ZNF521: variants seen among roughly 807,000 people sequenced by gnomAD.
ZNF521 encodes the protein zinc finger protein 521.
A neutral mutation model predicts 105.5 loss-of-function variants in ZNF521; 14 were observed. The ratio of observed to expected loss-of-function variants is 0.13; its 90% CI spans 0.09 to 0.21. The LOEUF (loss-of-function observed/expected upper bound fraction) is 0.21. ZNF521 is among the 10% of genes least tolerant of loss of function. The pLI is 1.00. For missense variants in ZNF521, 1,233 were observed against 1,629.7 expected, an observed-to-expected ratio of 0.76 and a Z score of 4.19; for synonymous variants, 635 against 606.0, an observed-to-expected ratio of 1.05 and a Z score of -0.70.
chr18:25,196,462 T>G (rs139320796), intron 4 of ZNF521, among the ~76,000 whole-genome samples: 101 of 151,330 alleles, frequency 6.7e-4, no homozygotes, highest in African/African-American at 2.0e-3. Flanking sequence ...GATTTAAAAT[T>G]ATAAATGCCA....
chr18:25,316,542 G>A (rs552898988), intron 3 of ZNF521, among the ~76,000 whole-genome samples: 170 of 152,168 alleles, frequency 1.1e-3, no homozygotes, highest in African/African-American at 3.9e-3. Context: ...AACCAAGCAA[G>A]AAAGCAAAAG....
chr18:25,112,900 A>AT (rs1457646964), intron 5 of ZNF521, among the ~76,000 whole-genome samples: 1 of 151,878 alleles, frequency 6.6e-6, no homozygotes, highest in African/African-American at 2.4e-5. Flanking sequence ...TGCTATATCC[A>AT]TATGTGCTGC....
intron 3 of ZNF521, among the ~76,000 whole-genome samples, chr18:25,252,295 G>A (rs1487632933): frequency 6.6e-6 from 1 of 151,996 alleles, no homozygotes; most frequent in Non-Finnish European, 1.5e-5. Context: ...CAGTCTTTAG[G>A]GGGTTTGGGA....
intron 3 of ZNF521, among the ~76,000 whole-genome samples, chr18:25,294,281 C>T (rs1017614609): frequency 1.3e-5 from 2 of 152,058 alleles, no homozygotes; most frequent in East Asian, 1.9e-4. Context: ...TCTGCTGATC[C>T]GCTGGTCAGT....
intron 5 of ZNF521, among the ~76,000 whole-genome samples, chr18:25,185,864 G>A (rs2035712917): frequency 6.6e-6 from 1 of 152,122 alleles, no homozygotes; most frequent in South Asian, 2.1e-4. Flanking sequence ...AAATTAATCT[G>A]GATTAAAACA....
intron 3 of ZNF521, among the ~76,000 whole-genome samples, chr18:25,307,615 T>G (rs1407830637): frequency 6.6e-6 from 1 of 152,202 alleles, no homozygotes; most frequent in Non-Finnish European, 1.5e-5. Context: ...GGTCCCTACC[T>G]CCTGGTATTC....
intron 3 of ZNF521, among the ~76,000 whole-genome samples, chr18:25,249,443 C>T (rs1173649997): frequency 6.6e-6 from 1 of 151,582 alleles, no homozygotes; most frequent in African/African-American, 2.4e-5. Context: ...AGGCTTGAGC[C>T]ACCACGCCGG....
At chr18:25,344,817 A>C (rs1334080550) in intron 2 of ZNF521, among the ~76,000 whole-genome samples, 2 of 152,244 alleles carry the variant, frequency 1.3e-5, no homozygotes, top group Non-Finnish European at 2.9e-5. Flanking sequence ...GAAAAACTGA[A>C]CATAGTATCC....
intron 4 of ZNF521, among the ~76,000 whole-genome samples, chr18:25,200,437 G>T (rs547664032): frequency 6.6e-6 from 1 of 150,826 alleles, no homozygotes; most frequent in Non-Finnish European, 1.5e-5. Context: ...GTACCTTTAC[G>T]TGTATTTGTC....
At chr18:25,071,119 T>C (rs117604180) in intron 7 of ZNF521, among the ~76,000 whole-genome samples, 2,029 of 152,350 alleles carry the variant, frequency 0.013, 23 homozygotes, top group Non-Finnish European at 0.02. Flanking sequence ...TATGCTACTT[T>C]GTCTTCATTA....
intron 4 of ZNF521, among the ~76,000 whole-genome samples, chr18:25,207,736 C>T (rs2036108282): frequency 6.6e-6 from 1 of 152,148 alleles, no homozygotes; most frequent in Non-Finnish European, 1.5e-5. Flanking sequence ...ATCAAACACA[C>T]CTAGATTCTG....
intron 5 of ZNF521, among the ~76,000 whole-genome samples, chr18:25,139,578 C>T (rs1452313385): frequency 1.3e-5 from 2 of 151,968 alleles, no homozygotes; most frequent in South Asian, 2.1e-4. Context: ...GTGTTACAGC[C>T]CTTTTCAGGT....
chr18:25,184,657 C>T (rs897446641), intron 5 of ZNF521, among the ~76,000 whole-genome samples: 4 of 152,084 alleles, frequency 2.6e-5, no homozygotes, highest in Admixed American at 6.6e-5. Flanking sequence ...GTGGGACTGG[C>T]GTCACCGGCC....
At chr18:25,094,762 C>G (rs2033818443) in intron 5 of ZNF521, among the ~76,000 whole-genome samples, 1 of 152,112 alleles carries the variant, frequency 6.6e-6, no homozygotes, top group Non-Finnish European at 1.5e-5. Flanking sequence ...TAGAGTCCCT[C>G]CTTTTCTCTC....
intron 5 of ZNF521, among the ~76,000 whole-genome samples, chr18:25,116,132 G>C (rs2034296958): frequency 6.6e-6 from 1 of 152,126 alleles, no homozygotes; most frequent in Non-Finnish European, 1.5e-5. Context: ...CTGGAGCACT[G>C]TAGAACTCAG....
intron 4 of ZNF521, among the ~76,000 whole-genome samples, chr18:25,220,155 A>G (rs1305934592): frequency 6.6e-6 from 1 of 152,252 alleles, no homozygotes; most frequent in Non-Finnish European, 1.5e-5. Context: ...GCGTTCACAG[A>G]GGCAACCAGG....
chr18:25,266,960 A>AG (rs1437815451), intron 3 of ZNF521, among the ~76,000 whole-genome samples: 2 of 152,194 alleles, frequency 1.3e-5, no homozygotes, highest in South Asian at 4.1e-4. Context: ...GGCTGAAGCC[A>AG]GGGAGCCAAG....
intron 5 of ZNF521, among the ~76,000 whole-genome samples, chr18:25,124,731 A>G (rs1474914486): frequency 6.6e-6 from 1 of 152,206 alleles, no homozygotes; most frequent in Non-Finnish European, 1.5e-5. Flanking sequence ...TATCTATTTA[A>G]GTTACATCAA....
chr18:25,323,835 A>G lies in ZNF521; in HGVS notation c.41-1648T>C, dbSNP rs573074901. ...TCTAGAGCTTTCCTTCACATCTTCA[A>G]TAAACAACTATATCACCACCCTTCC... On this transcript the variant is annotated intron_variant, in intron 2 of 7. Coordinates refer to ENST00000361524, the MANE Select transcript of ZNF521 (RefSeq NM_015461.3). Among the ~76,000 whole-genome samples, 3 of 152,172 alleles carry G rather than the reference A, an allele frequency of 2.0e-5. No homozygotes were observed. In the South Asian group the frequency reaches 6.2e-4, roughly 32 times the overall value.
Sources: gnomAD v4.1 joint callset for allele counts (sites outside exome capture counted in the v4.1 genomes callset) on GRCh38, gnomAD v4.1.1 for gene constraint, MANE v1.5 for transcripts, NCBI Gene and HGNC (gene_info 2026-07-23, HGNC 2026-07-21) for gene names.